Variants in LMCD1 observed in about 807,000 individuals in gnomAD.
LMCD1 encodes the protein LIM and cysteine-rich domains protein 1.
Under a neutral mutation model 42.7 loss-of-function variants are expected in LMCD1, and 32 were observed. That is an observed-to-expected ratio of 0.75 (90% CI 0.57 to 1.01). LMCD1 has a LOEUF of 1.01. LMCD1 is among the 50% of genes least tolerant of loss of function. The pLI is 0.00. For synonymous variants in LMCD1, 178 were observed against 184.9 expected, an observed-to-expected ratio of 0.96 and a Z score of 0.30; for missense variants, 458 against 483.1, an observed-to-expected ratio of 0.95 and a Z score of 0.49.
At chr3:8,554,343 A>G (rs1694893342) in intron 4 of LMCD1, among the ~76,000 whole-genome samples, 1 of 151,854 alleles carries the variant, frequency 6.6e-6, no homozygotes, top group Non-Finnish European at 1.5e-5. Context: ...TGAAGTCTGA[A>G]GCCGTGTTGG....
chr3:8,567,220 A>AT (rs148408320), intron 5 of LMCD1, among the ~76,000 whole-genome samples: 2,252 of 152,132 alleles, frequency 0.015, 53 homozygotes, highest in African/African-American at 0.052. Flanking sequence ...GTAGTGGAGG[A>AT]TTTTTTTTAT....
intron 1 of LMCD1, among the ~76,000 whole-genome samples, chr3:8,515,906 G>A (rs1371090822): frequency 1.3e-5 from 2 of 152,142 alleles, no homozygotes; most frequent in Non-Finnish European, 2.9e-5. Context: ...CAAAGTAGGA[G>A]TGGGTGGGGG....
At chr3:8,504,327 A>G (rs1300017785) in intron 1 of LMCD1, among the ~76,000 whole-genome samples, 1 of 152,238 alleles carries the variant, frequency 6.6e-6, no homozygotes, top group Non-Finnish European at 1.5e-5. Context: ...CTGCAACAGT[A>G]TGTGGGGGAG....
At chr3:8,502,287 TAA>T (rs1312340957) in intron 1 of LMCD1, among the ~76,000 whole-genome samples, 1 of 42,252 alleles carries the variant, frequency 2.4e-5, no homozygotes. Context: ...AAAATATATA[TAA>T]TATATATTAT....
At position 8,573,986 on chromosome 3, in the gene LMCD1, T is replaced by C. The variant is rs1006291517; in HGVS notation, c.*6388T>C. 3 of 152,290 alleles carry C rather than the reference T, an allele frequency of 2.0e-5. No individual in the cohort carries two copies. Among genetic ancestry groups the C allele is most frequent in the South Asian group, 2.1e-4 (1 of 4,824 alleles). 9.4% of individuals were successfully genotyped at this position (152,290 alleles called of 1,614,324 possible). On this transcript the variant is annotated 3_prime_UTR_variant, in exon 6 of 6. Coordinates refer to ENST00000157600, the MANE Select transcript of LMCD1 (RefSeq NM_014583.4). Reference sequence around the variant, plus strand: ...GAAGAAGGGCTAGCTTCAGGAACAATTGGATGCAGTAGTTCAAATCACAAG... The same window carrying C: ...GAAGAAGGGCTAGCTTCAGGAACAACTGGATGCAGTAGTTCAAATCACAAG...
At chr3:8,529,252 T>C (rs974040928) in intron 1 of LMCD1, among the ~76,000 whole-genome samples, 1 of 152,210 alleles carries the variant, frequency 6.6e-6, no homozygotes, top group African/African-American at 2.4e-5. Flanking sequence ...TGGCATGCAG[T>C]GGACAAATGA....
chr3:8,565,752 G>C lies in LMCD1; in HGVS notation c.939+105G>C, dbSNP rs961038858. ...GGCTTTGTGGATGATGTGTTCTACA[G>C]ATTGGGAAACTGAAGTCAGGCCTCA... On this transcript the variant is annotated intron_variant, in intron 5 of 5. Transcript: ENST00000157600. The C allele has an allele frequency of 9.7e-6, 11 of 1,131,136 alleles. No homozygotes were observed. In the African/African-American group the frequency reaches 1.2e-4, roughly 13 times the overall value. 70.1% of individuals were successfully genotyped at this position (1,131,136 alleles called of 1,614,324 possible).
At chr3:8,520,622 C>T (rs1048492243) in intron 1 of LMCD1, among the ~76,000 whole-genome samples, 11 of 152,162 alleles carry the variant, frequency 7.2e-5, no homozygotes, top group African/African-American at 2.2e-4. Flanking sequence ...CATAGTGATG[C>T]TGGTGGCTTT....
At chr3:8,526,603 C>T (rs1574954968) in intron 1 of LMCD1, among the ~76,000 whole-genome samples, 1 of 152,144 alleles carries the variant, frequency 6.6e-6, no homozygotes, top group African/African-American at 2.4e-5. Flanking sequence ...TCTTGAACAG[C>T]GATGTCTGGG....
chr3:8,515,677 G>A (rs2125013552), intron 1 of LMCD1, among the ~76,000 whole-genome samples: 1 of 152,296 alleles, frequency 6.6e-6, no homozygotes, highest in Non-Finnish European at 1.5e-5. Context: ...ATGGAATCGG[G>A]AAATAGGAGA....
chr3:8,518,483 G>A (rs913138752), intron 1 of LMCD1, among the ~76,000 whole-genome samples: 6 of 152,130 alleles, frequency 3.9e-5, no homozygotes, highest in Non-Finnish European at 8.8e-5. Context: ...AACTAGAAAC[G>A]GACCACTTGA....
chr3:8,543,492 C>CAGATAGAT (rs572117468), intron 3 of LMCD1, among the ~76,000 whole-genome samples: 3 of 151,938 alleles, frequency 2.0e-5, no homozygotes, highest in East Asian at 1.9e-4. Context: ...GACAGACAGA[C>CAGATAGAT]AGATAGATAG....
At chr3:8,540,547 C>G (rs1214908577) in intron 3 of LMCD1, among the ~76,000 whole-genome samples, 1 of 152,206 alleles carries the variant, frequency 6.6e-6, no homozygotes, top group Non-Finnish European at 1.5e-5. Flanking sequence ...CACCCTGACT[C>G]CAAAGTTTGG....
chr3:8,529,424 G>A (rs9831647), intron 1 of LMCD1, among the ~76,000 whole-genome samples: 57,379 of 151,988 alleles, frequency 0.38, 11,931 homozygotes, highest in Non-Finnish European at 0.49. Context: ...GCCAACTCTC[G>A]CTTCCTGAAC....
chr3:8,515,062 G>A (rs1026343070), intron 1 of LMCD1: 1 of 456,436 alleles, frequency 2.2e-6, no homozygotes, highest in Non-Finnish European at 4.4e-6. Flanking sequence ...GTTGGAAAGT[G>A]ATATGTATCC....
At position 8,549,833 on chromosome 3, in the gene LMCD1, G is replaced by C. The variant is rs187316252; in HGVS notation, c.723+930G>C. Reference sequence around the variant, plus strand: ...TGGCTCAGGGCATCATGTGGCAAGGGGGCTGGGTGTGCTAACTCGGGTCTC... The same window carrying C: ...TGGCTCAGGGCATCATGTGGCAAGGCGGCTGGGTGTGCTAACTCGGGTCTC... On this transcript the variant is annotated intron_variant, in intron 4 of 5. Coordinates refer to ENST00000157600, the MANE Select transcript of LMCD1 (RefSeq NM_014583.4). 358 of 705,838 alleles carry C rather than the reference G, an allele frequency of 5.1e-4. 1 individual carries two copies. In the African/African-American group the frequency reaches 5.4e-3, roughly 11 times the overall value. The allele number at this position is 705,838 out of a possible 1,614,324, so 43.7% of individuals were successfully genotyped here.
intron 1 of LMCD1, among the ~76,000 whole-genome samples, chr3:8,521,343 T>A (rs1470528602): frequency 6.6e-6 from 1 of 152,200 alleles, no homozygotes; most frequent in Non-Finnish European, 1.5e-5. Context: ...CAGCAATGAA[T>A]CTTTGAATTT....
At chr3:8,550,963 T>A (rs1483540667) in intron 4 of LMCD1, 5 of 985,422 alleles carry the variant, frequency 5.1e-6, no homozygotes, top group Non-Finnish European at 6.0e-6. Context: ...CCCGGGTCCT[T>A]GCCTACAGTC....
At chr3:8,519,741 C>CAAAAA (rs59146036) in intron 1 of LMCD1, among the ~76,000 whole-genome samples, 1 of 109,548 alleles carries the variant, frequency 9.1e-6, no homozygotes. Flanking sequence ...CATATGATAG[C>CAAAAA]AAAAAAAAAA....
Sources: gnomAD v4.1 joint callset for allele counts (sites outside exome capture counted in the v4.1 genomes callset) on GRCh38, gnomAD v4.1.1 for gene constraint, MANE v1.5 for transcripts, NCBI Gene and HGNC (gene_info 2026-07-23, HGNC 2026-07-21) for gene names.